ASPM: variants seen among roughly 807,000 people sequenced by gnomAD.
ASPM encodes assembly factor for spindle microtubules.
Under a neutral mutation model 366.4 loss-of-function variants are expected in ASPM, and 256 were observed. That is an observed-to-expected ratio of 0.70 (90% CI 0.63 to 0.77). ASPM has a LOEUF of 0.77. ASPM is among the 30% of genes least tolerant of loss of function. The probability of loss-of-function intolerance (pLI) is 0.00; values close to 1 mark genes in which losing one functional copy is unlikely to be tolerated. For synonymous variants in ASPM, 1,414 were observed against 1,342.9 expected (o/e 1.05, Z -1.16); for missense variants, 4,146 against 4,090.4 (o/e 1.01, Z -0.37).
At chr1:197,138,741 G>A in intron 4 of ASPM, 3 of 707,784 alleles carry the variant, frequency 4.2e-6, no homozygotes, top group East Asian at 2.5e-5. Context: ...AAAATTAAGA[G>A]AAACGATTAT....
At chr1:197,110,721 C>T (rs1202222457) in intron 17 of ASPM, among the ~76,000 whole-genome samples, 1 of 151,836 alleles carries the variant, frequency 6.6e-6, no homozygotes, top group Non-Finnish European at 1.5e-5. Flanking sequence ...GAAAGAAATA[C>T]TAGAAACAGA....
In ASPM at chr1:197,104,456, G is replaced by A. The variant is rs199422165; in HGVS notation, c.4795C>T (p.Arg1599Ter). The A allele has an allele frequency of 8.7e-6, 14 of 1,612,750 alleles. No individual in the cohort carries two copies. The highest frequency in any genetic ancestry group is 2.2e-5 in the East Asian group (1 of 44,812). Residue 1599 changes from arginine to a stop codon, truncating the protein, a stop_gained, in exon 18 of 28, where the codon CGA becomes TGA. Transcript: ENST00000367409. LOFTEE classifies it high-confidence loss of function. ...TTCTTCATCTTCTTATATTTCTGTC[G>A]TTGTTGATGTTTTCTTACATGTGCC... is the stretch of plus-strand genomic sequence containing the variant. ...FQAHVRKHQQ[R>*]QKYKKMKKAA...
Position 197,124,172 on chromosome 1 carries a change from T to C in ASPM, c.3328A>G (p.Ser1110Gly), listed in dbSNP as rs538513229. 4.2e-5 allele frequency: 68 copies of C among 1,612,890 alleles called. 1 individual carries two copies. In the Admixed American group the frequency reaches 1.1e-3, roughly 26 times the overall value. ...TCCATCAATAACTTTATGTTTTCAC[T>C]ATATTGTTCAAAGGAACCACTATCC... Reference protein sequence around the residue: ...KRDSGSFEQYSENIKLLMDWV... With the variant: ...KRDSGSFEQYGENIKLLMDWV... Residue 1110 changes from serine (S) to glycine (G), a missense_variant, in exon 13 of 28, where the codon AGT (serine) becomes GGT (glycine). Coordinates refer to ENST00000367409, the MANE Select transcript of ASPM (RefSeq NM_018136.5).
chr1:197,102,518 A>T lies in ASPM; in HGVS notation c.6733T>A (p.Tyr2245Asn). 1 of 1,612,612 alleles carries T rather than the reference A, an allele frequency of 6.2e-7. No homozygotes were observed. The highest frequency in any genetic ancestry group is 2.2e-5 in the East Asian group (1 of 44,816). Residue 2245 changes from tyrosine (Y) to asparagine (N), a missense_variant, in exon 18 of 28, where the codon TAC becomes AAC. Tyr to Asn is a moderately radical substitution (Grantham distance 143). Transcript: ENST00000367409. ...RYNKLRHSVIYIQAIFRGKKA... is the reference protein window; with the variant it reads ...RYNKLRHSVINIQAIFRGKKA... ...TTTCCCCTAAAAATAGCCTGAATGTATATTACAGAATGCCTCAGTTTGTTA... is the reference window on the plus strand; with the variant it reads ...TTTCCCCTAAAAATAGCCTGAATGTTTATTACAGAATGCCTCAGTTTGTTA...
chr1:197,135,367 A>G, intron 4 of ASPM, 125 bp from the exon 5 acceptor site: 2 of 988,850 alleles, frequency 2.0e-6, no homozygotes, highest in Non-Finnish European at 3.1e-6. Flanking sequence ...CTTTTCTACT[A>G]CTTGCAGGAA....
At chr1:197,098,734 G>GTGTGATGTGTGT (rs1657061691) in intron 18 of ASPM, among the ~76,000 whole-genome samples, 1 of 151,216 alleles carries the variant, frequency 6.6e-6, no homozygotes, top group African/African-American at 2.4e-5. Context: ...TGTTCTTCAG[G>GTGTGATGTGTGT]GCTCAAGTCC....
Position 197,122,745 on chromosome 1 carries a change from A to C in ASPM, c.3391-150T>G, listed in dbSNP as rs923412096. The C allele has an allele frequency of 2.1e-5, 16 of 771,098 alleles. No homozygotes were observed. In the African/African-American group the frequency reaches 2.4e-4, roughly 12 times the overall value. 47.8% of individuals were successfully genotyped at this position (771,098 alleles called of 1,614,324 possible). ...GGCAAGTTTGACTGGTAAACTCTAA[A>C]ATTTAAAAGAAAAAAATAAAAGAGT... On this transcript the variant is annotated intron_variant, in intron 13 of 27. Coordinates refer to ENST00000367409, the MANE Select transcript of ASPM (RefSeq NM_018136.5).
intron 3 of ASPM, among the ~76,000 whole-genome samples, chr1:197,140,350 A>T (rs1005966566): frequency 6.6e-6 from 1 of 152,236 alleles, no homozygotes; most frequent in African/African-American, 2.4e-5. Context: ...CAAAGAATAC[A>T]CGTAGGAAAT....
rs1656669297 is a variant in ASPM, at chr1:197,088,450, G to A, written c.9985-18C>T. The A allele has an allele frequency of 6.4e-7, 1 of 1,568,830 alleles. No homozygotes were observed. The highest frequency in any genetic ancestry group is 1.1e-5 in the South Asian group (1 of 88,926). ...TTCTCATACTTGAAGAGAACAGAAT[G>A]AAATTAAAAGTTGTAATAAACACAT... On this transcript the variant is annotated intron_variant, in intron 25 of 27. Coordinates refer to ENST00000367409, the MANE Select transcript of ASPM (RefSeq NM_018136.5).
chr1:197,136,795 A>G (rs1314849241), intron 4 of ASPM, among the ~76,000 whole-genome samples: 2 of 152,180 alleles, frequency 1.3e-5, no homozygotes. Flanking sequence ...TCTATTTCAC[A>G]TAAAACTGGA....
intron 27 of ASPM, among the ~76,000 whole-genome samples, chr1:197,086,339 C>G (rs1221830693): frequency 6.6e-6 from 1 of 151,764 alleles, no homozygotes; most frequent in African/African-American, 2.4e-5. Context: ...TGACGGTTCA[C>G]CAAAATAAAT....
chr1:197,104,915 T>TAGCTTTTACTTGTGA lies in ASPM; in HGVS notation c.4321_4335dup (p.Ser1441_Ala1445dup), dbSNP rs1557948355. ...CTAAAAGCTCTTTGCAATATTACTG[T>TAGCTTTTACTTGTGA]AGCTTTTACTTGTGATTGCATTTTA... On this transcript the variant is annotated inframe_insertion, in exon 18 of 28. Transcript: ENST00000367409. 2.5e-6 allele frequency: 4 copies of TAGCTTTTACTTGTGA among 1,612,118 alleles called. No homozygotes were observed. In the East Asian group the frequency reaches 8.9e-5, roughly 36 times the overall value.
At chr1:197,096,685 A>C (rs1247550091) in intron 18 of ASPM, among the ~76,000 whole-genome samples, 1 of 151,758 alleles carries the variant, frequency 6.6e-6, no homozygotes, top group Non-Finnish European at 1.5e-5. Context: ...GGTTTACATG[A>C]CAGCTACAAC....
intron 17 of ASPM, among the ~76,000 whole-genome samples, chr1:197,115,388 G>A (rs906067665): frequency 6.6e-6 from 1 of 152,138 alleles, no homozygotes; most frequent in South Asian, 2.1e-4. Context: ...CATAAAAGTT[G>A]GTTGGAATCA....
intron 1 of ASPM, among the ~76,000 whole-genome samples, chr1:197,145,063 G>A (rs1348876874): frequency 1.3e-5 from 2 of 152,138 alleles, no homozygotes; most frequent in Admixed American, 1.3e-4. Context: ...TGAAACAGAG[G>A]GGCGGGGTGG....
chr1:197,145,661 TA>T (rs1231363880), intron 1 of ASPM, among the ~76,000 whole-genome samples: 5 of 152,026 alleles, frequency 3.3e-5, no homozygotes, highest in Non-Finnish European at 2.9e-5. Context: ...AAAAAAGTGT[TA>T]AAAAAGTGCA....
Position 197,104,697 on chromosome 1 carries a change from C to A in ASPM, c.4554G>T (p.Gln1518His). 6.2e-7 allele frequency: 1 copy of A among 1,612,928 alleles called. No individual in the cohort carries two copies. Among genetic ancestry groups the A allele is most frequent in the African/African-American group, 1.3e-5 (1 of 74,930 alleles). ...KRRKESILTIQKYYKAYLKGK... is the reference protein window; with the variant it reads ...KRRKESILTIHKYYKAYLKGK... ...CTTTCAGATATGCTTTGTAGTACTTCTGGATGGTTAGTATGGACTCTTTTC... is the reference window on the plus strand; with the variant it reads ...CTTTCAGATATGCTTTGTAGTACTTATGGATGGTTAGTATGGACTCTTTTC... Residue 1518 changes from glutamine to histidine, a missense_variant, in exon 18 of 28, where the codon CAG becomes CAT. Physicochemically the swap from Gln to His is conservative, Grantham distance 24 (BLOSUM62 0). Transcript: ENST00000367409.
chr1:197,143,189 A>G lies in ASPM; in HGVS notation c.1063T>C (p.Ser355Pro), dbSNP rs1156884046. Residue 355 changes from serine to proline, a missense_variant, in exon 3 of 28, where the codon TCA becomes CCA. Ser to Pro is a moderately conservative substitution (Grantham distance 74). Around this residue, in one of 3 missense-constraint regions of ASPM, gnomAD observed 512 missense variants for 471.7 expected, o/e 1.09. Coordinates refer to ENST00000367409, the MANE Select transcript of ASPM (RefSeq NM_018136.5). ...TGATAAATTTCATGTGCAATTGTTG[A>G]TTCCAAATGCACAGGCTGTGAATTA... ...KDNSQPVHLE[S>P]TIAHEIYQKI... The G allele has an allele frequency of 1.2e-6, 2 of 1,613,500 alleles. No homozygotes were observed. Among genetic ancestry groups the G allele is most frequent in the African/African-American group, 2.7e-5 (2 of 74,936 alleles).
At chr1:197,085,344 C>T (rs2125085629) in intron 27 of ASPM, among the ~76,000 whole-genome samples, 1 of 152,252 alleles carries the variant, frequency 6.6e-6, no homozygotes, top group Non-Finnish European at 1.5e-5. Flanking sequence ...TCTTTTCAAA[C>T]TTCCCCTCCA....
Sources: gnomAD v4.1 joint callset for allele counts (sites outside exome capture counted in the v4.1 genomes callset) on GRCh38, gnomAD v4.1.1 for gene constraint, gnomAD v4.1.1 regional missense constraint, MANE v1.5 for transcripts, NCBI Gene and HGNC (gene_info 2026-07-23, HGNC 2026-07-21) for gene names.